The following BABAM2 variants were observed in gnomAD, a reference collection of about 807,000 sequenced individuals.
BABAM2 encodes BRISC and BRCA1 A complex member 2.
A neutral mutation model predicts 54.7 loss-of-function variants in BABAM2; 31 were observed. The observed-to-expected ratio is 0.57, with a 90% CI of 0.43 to 0.77. The LOEUF (loss-of-function observed/expected upper bound fraction) is 0.77. Among genes scored for constraint, BABAM2 ranks in the 30% least tolerant of loss-of-function variants. The pLI is 0.00. For synonymous variants in BABAM2, 167 were observed against 162.9 expected (o/e 1.03, Z -0.19); for missense variants, 364 against 455.8 (o/e 0.80, Z 1.83).
rs1167583554 is a variant in BABAM2, at chr2:28,304,585, C to CT, written c.1088+6102dup. Among the ~76,000 whole-genome samples the CT allele has an allele frequency of 2.7e-5, 4 of 150,632 alleles. No individual in the cohort carries two copies. Among genetic ancestry groups the CT allele is most frequent in the African/African-American group, 4.9e-5 (2 of 41,042 alleles). ...ATAGATTTCTTATAATTTCTTTTTTCTTTTTTTTGGAGATGGAGTCTCACT... is the reference window on the plus strand; with the variant it reads ...ATAGATTTCTTATAATTTCTTTTTTCTTTTTTTTTGGAGATGGAGTCTCACT... On this transcript the variant is annotated intron_variant, in intron 11 of 11. Transcript: ENST00000379624. This position sits in a 1 kb window ranked among gnomAD's most constrained non-coding sequence, Gnocchi z 4.0.
chr2:28,012,688 C>T (rs910937188), intron 4 of BABAM2, among the ~76,000 whole-genome samples: 15 of 152,132 alleles, frequency 9.9e-5, no homozygotes, highest in African/African-American at 1.9e-4. Flanking sequence ...TTCTCTAATG[C>T]GTGTTTTGGA....
intron 1 of BABAM2, 148 bp from the exon 2 acceptor site, chr2:27,894,385 G>A (rs1017323038): frequency 2.6e-6 from 2 of 758,234 alleles, no homozygotes; most frequent in African/African-American, 3.5e-5. Context: ...TTCTTCTGGA[G>A]GATCATTGGA....
chr2:28,230,136 C>A (rs1458594628), intron 7 of BABAM2, among the ~76,000 whole-genome samples: 2 of 152,170 alleles, frequency 1.3e-5, no homozygotes, highest in Non-Finnish European at 2.9e-5. Flanking sequence ...AGATTAGTCA[C>A]AAATGTAATA....
At chr2:28,202,872 C>T (rs1295346597) in intron 7 of BABAM2, among the ~76,000 whole-genome samples, 3 of 152,156 alleles carry the variant, frequency 2.0e-5, no homozygotes, top group South Asian at 4.1e-4. Context: ...GCTTCAATCA[C>T]GGGGAATATT....
chr2:27,904,182 T>G (rs1219046649), intron 2 of BABAM2, among the ~76,000 whole-genome samples: 1 of 152,192 alleles, frequency 6.6e-6, no homozygotes, highest in East Asian at 1.9e-4. Context: ...TTAAAACTTA[T>G]GAATTGTTTC....
chr2:28,228,655 A>G (rs1194511185), intron 7 of BABAM2, among the ~76,000 whole-genome samples: 2 of 152,164 alleles, frequency 1.3e-5, no homozygotes, highest in African/African-American at 2.4e-5. Context: ...AGATGCAACA[A>G]GAGAAAAAAA....
rs561171035 is a variant in BABAM2 at position 28,194,004 on chromosome 2, C to A, written c.681-43198C>A. 3.3e-5 allele frequency among the ~76,000 whole-genome samples: 5 copies of A among 152,184 alleles called. No homozygotes were observed. The East Asian group carries it at 9.7e-4, about 29-fold the overall frequency. ...GGCTCGAGAGCACCTGGGAAGACCC[C>A]GTAACCAAATTTGGGGGGTCAGGGG... is the stretch of plus-strand genomic sequence containing the variant. On this transcript the variant is annotated intron_variant, in intron 7 of 11. Transcript: ENST00000379624.
At chr2:28,213,681 A>G (rs1679673448) in intron 7 of BABAM2, among the ~76,000 whole-genome samples, 2 of 152,174 alleles carry the variant, frequency 1.3e-5, no homozygotes, top group African/African-American at 4.8e-5. Context: ...ATTAAAAAAT[A>G]GTAATAGATA....
At chr2:28,318,123 G>A (rs940464238) in intron 11 of BABAM2, among the ~76,000 whole-genome samples, 3 of 152,176 alleles carry the variant, frequency 2.0e-5, no homozygotes, top group African/African-American at 7.2e-5. Context: ...CCCTGAGGCC[G>A]GCAGTAGTAT....
intron 6 of BABAM2, among the ~76,000 whole-genome samples, chr2:28,083,884 G>A (rs904289559): frequency 6.6e-6 from 1 of 152,128 alleles, no homozygotes; most frequent in African/African-American, 2.4e-5. Context: ...TAGGTAGTAA[G>A]GACAATTAGA....
At chr2:27,944,082 GT>G (rs923215428) in intron 3 of BABAM2, among the ~76,000 whole-genome samples, 1 of 152,086 alleles carries the variant, frequency 6.6e-6, no homozygotes, top group Non-Finnish European at 1.5e-5. Flanking sequence ...ACTGATTATA[GT>G]TTATTAAAAA....
intron 4 of BABAM2, among the ~76,000 whole-genome samples, chr2:28,020,661 C>T (rs990276413): frequency 6.6e-6 from 1 of 151,868 alleles, no homozygotes; most frequent in Admixed American, 6.6e-5. Flanking sequence ...TGTTTCTGTG[C>T]TATTGTAATT....
chr2:27,900,507 T>G (rs17006365), intron 2 of BABAM2, among the ~76,000 whole-genome samples: 97,260 of 151,922 alleles, frequency 0.64, 33,206 homozygotes, highest in Middle Eastern at 0.79. Flanking sequence ...AGTTCTTGTT[T>G]AATTTATGTT....
intron 7 of BABAM2, among the ~76,000 whole-genome samples, chr2:28,175,383 G>A (rs866535239): frequency 6.6e-6 from 1 of 152,146 alleles, no homozygotes; most frequent in Non-Finnish European, 1.5e-5. Flanking sequence ...TGCACAGGAG[G>A]CCCTGAGTAC....
intron 3 of BABAM2, among the ~76,000 whole-genome samples, chr2:27,987,470 T>C (rs1672481225): frequency 6.6e-6 from 1 of 152,126 alleles, no homozygotes; most frequent in Admixed American, 6.6e-5. Flanking sequence ...ACATTCACAG[T>C]GTACTTGGAG....
chr2:27,902,415 G>T (rs371783468), intron 2 of BABAM2, among the ~76,000 whole-genome samples: 79 of 152,238 alleles, frequency 5.2e-4, no homozygotes, highest in Non-Finnish European at 9.9e-4. Flanking sequence ...CCCATCAAAG[G>T]TATATTCCTA....
intron 10 of BABAM2, among the ~76,000 whole-genome samples, chr2:28,276,007 CAAA>C (rs534951884): frequency 9.0e-6 from 1 of 110,968 alleles, no homozygotes. Context: ...ATTTTTATCT[CAAA>C]AAAAAAAAAA....
intron 5 of BABAM2, among the ~76,000 whole-genome samples, chr2:28,039,369 A>G (rs934735353): frequency 6.6e-6 from 1 of 152,236 alleles, no homozygotes; most frequent in African/African-American, 2.4e-5. Context: ...CATTTTGTAA[A>G]TTATAAAATT....
rs148266987 is a variant in BABAM2 at position 28,168,176 on chromosome 2, A to G, written c.680+38796A>G. Among the ~76,000 whole-genome samples the G allele has an allele frequency of 2.3e-3, 350 of 152,322 alleles. 2 individuals are homozygous for G. The highest frequency in any genetic ancestry group is 8.0e-3 in the African/African-American group (331 of 41,574). ...GGTCTAGACGTAGAAGCTGCCTTTA[A>G]CAAGGGTCCACCAGCACACAGTGGA... On this transcript the variant is annotated intron_variant, in intron 7 of 11. Transcript: ENST00000379624.
Sources: gnomAD v4.1 joint callset for allele counts (sites outside exome capture counted in the v4.1 genomes callset) on GRCh38, gnomAD v4.1.1 for gene constraint, Gnocchi (gnomAD v3.1) non-coding constraint, MANE v1.5 for transcripts, NCBI Gene and HGNC (gene_info 2026-07-23, HGNC 2026-07-21) for gene names.